CTNND2: variants seen among roughly 807,000 people sequenced by gnomAD.
CTNND2 encodes catenin delta 2.
Under a neutral mutation model 144.4 loss-of-function variants are expected in CTNND2, and 22 were observed. That is an observed-to-expected ratio of 0.15 (90% CI 0.11 to 0.22). CTNND2 has a LOEUF of 0.22. Ranked by LOEUF, CTNND2 falls within the 10% of genes least tolerant of loss-of-function variation. The pLI, the probability that CTNND2 is intolerant of heterozygous loss-of-function variation, is 1.00. For missense variants in CTNND2, 1,353 were observed against 1,618.8 expected, an observed-to-expected ratio of 0.84 and a Z score of 2.82; for synonymous variants, 751 against 695.6, an observed-to-expected ratio of 1.08 and a Z score of -1.25.
intron 2 of CTNND2, among the ~76,000 whole-genome samples, chr5:11,637,572 C>T (rs964021707): frequency 1.3e-5 from 2 of 152,010 alleles, no homozygotes; most frequent in Admixed American, 1.3e-4. Flanking sequence ...CAGAACAATG[C>T]CAGCGAAAAT....
chr5:11,168,688 T>TTCTTCTA (rs1759594460), intron 11 of CTNND2, among the ~76,000 whole-genome samples: 1 of 152,226 alleles, frequency 6.6e-6, no homozygotes, highest in African/African-American at 2.4e-5. Context: ...AGCTGTCATA[T>TTCTTCTA]TCTTCTATGT....
chr5:11,870,039 T>A (rs1483482688), intron 1 of CTNND2, among the ~76,000 whole-genome samples: 4 of 152,128 alleles, frequency 2.6e-5, no homozygotes, highest in Admixed American at 2.6e-4. Context: ...ATAGACTGAT[T>A]TAGAGTGGAA....
At chr5:11,125,507 G>T (rs1293284066) in intron 12 of CTNND2, among the ~76,000 whole-genome samples, 1 of 152,326 alleles carries the variant, frequency 6.6e-6, no homozygotes, top group Admixed American at 6.5e-5. Flanking sequence ...ACATCACAGG[G>T]GATCTGCAGT....
At chr5:11,348,160 A>G (rs574564628) in intron 8 of CTNND2, among the ~76,000 whole-genome samples, 16 of 152,346 alleles carry the variant, frequency 1.1e-4, no homozygotes, top group Admixed American at 9.8e-4. Flanking sequence ...TAAGTCTCAA[A>G]ATAATCAGAT....
At chr5:11,565,245 A>C (rs1332011299) in intron 2 of CTNND2, among the ~76,000 whole-genome samples, 189 bp from the exon 3 acceptor site, 1 of 152,270 alleles carries the variant, frequency 6.6e-6, no homozygotes, top group Non-Finnish European at 1.5e-5. Context: ...ACTTTGAATA[A>C]GTTAATTCAT....
intron 7 of CTNND2, among the ~76,000 whole-genome samples, chr5:11,380,516 C>T (rs1758368539): frequency 6.6e-6 from 1 of 152,112 alleles, no homozygotes; most frequent in African/African-American, 2.4e-5. Flanking sequence ...GGAGCTCCCC[C>T]AAGGCAGAGT....
chr5:11,236,661 C>A, intron 10 of CTNND2, 30 bp downstream of exon 10: 1 of 1,611,154 alleles, frequency 6.2e-7, no homozygotes, highest in East Asian at 2.2e-5. Context: ...AATCTGACAC[C>A]AATCATTTCA....
Position 10,973,305 on chromosome 5 carries a change from T to A in CTNND2, c.*148A>T. On this transcript the variant is annotated 3_prime_UTR_variant, in exon 22 of 22. Transcript: ENST00000304623. The surrounding 1 kb of genome is among the most constrained non-coding windows in gnomAD (Gnocchi z 5.6). ...GATTCATTTAGCTTTCTAAAATAGC[T>A]CTTAATATTTCCTTACTGGTTATCA... The A allele has an allele frequency of 1.2e-6, 1 of 802,222 alleles. No homozygotes were observed. Among genetic ancestry groups the A allele is most frequent in the Non-Finnish European group, 1.8e-6 (1 of 544,514 alleles). 49.7% of individuals were successfully genotyped at this position (802,222 alleles called of 1,614,324 possible). A position where few individuals can be genotyped will look rare whatever the true frequency, so the allele number is the denominator to read the frequency against.
At chr5:11,693,810 A>G (rs1356435393) in intron 2 of CTNND2, among the ~76,000 whole-genome samples, 1 of 152,252 alleles carries the variant, frequency 6.6e-6, no homozygotes, top group Non-Finnish European at 1.5e-5. Flanking sequence ...CAATGATAAC[A>G]CTGAATTAGA....
chr5:10,984,596 C>T lies in CTNND2; in HGVS notation c.3344-2750G>A, dbSNP rs375303815. On this transcript the variant is annotated intron_variant, in intron 20 of 21. Coordinates refer to ENST00000304623, the MANE Select transcript of CTNND2 (RefSeq NM_001332.4). ...AGTTCTTTCCCCTCACTCGTTTAAACGAGACCATAGCTGAGACTGAATTAC... is the reference window on the plus strand; with the variant it reads ...AGTTCTTTCCCCTCACTCGTTTAAATGAGACCATAGCTGAGACTGAATTAC... 3.9e-5 allele frequency among the ~76,000 whole-genome samples: 6 copies of T among 151,958 alleles called. 1 individual carries two copies. The South Asian group carries it at 6.2e-4, about 16-fold the overall frequency.
At chr5:11,286,852 A>T (rs1747810265) in intron 9 of CTNND2, among the ~76,000 whole-genome samples, 1 of 152,168 alleles carries the variant, frequency 6.6e-6, no homozygotes, top group Non-Finnish European at 1.5e-5. Flanking sequence ...ACTCTTCCAC[A>T]TTTGCCCAGG....
intron 14 of CTNND2, among the ~76,000 whole-genome samples, chr5:11,107,620 C>T (rs921050327): frequency 6.6e-6 from 1 of 152,220 alleles, no homozygotes; most frequent in East Asian, 1.9e-4. Flanking sequence ...TTGACACATA[C>T]ACATATACCT....
chr5:11,523,862 G>A (rs1480488379), intron 3 of CTNND2, among the ~76,000 whole-genome samples: 1 of 152,192 alleles, frequency 6.6e-6, no homozygotes, highest in Non-Finnish European at 1.5e-5. Context: ...ATGTTGCTGT[G>A]AAGCGGGTGC....
At chr5:11,364,386 C>A (rs61750674) in intron 8 of CTNND2, among the ~76,000 whole-genome samples, 19 of 152,194 alleles carry the variant, frequency 1.2e-4, no homozygotes, top group African/African-American at 4.6e-4. Context: ...CCTTGGGGTA[C>A]TTAGATTCAT....
intron 2 of CTNND2, among the ~76,000 whole-genome samples, chr5:11,615,307 T>G (rs1408695071): frequency 6.6e-6 from 1 of 152,186 alleles, no homozygotes; most frequent in Non-Finnish European, 1.5e-5. Flanking sequence ...TGGTTATAAC[T>G]TTGAAGGACA....
chr5:11,077,113 G>C (rs1172957346), intron 16 of CTNND2, among the ~76,000 whole-genome samples: 1 of 152,066 alleles, frequency 6.6e-6, no homozygotes, highest in Non-Finnish European at 1.5e-5. Flanking sequence ...GAAATATTCG[G>C]TTCAGTCATT....
At chr5:11,244,477 G>A (rs1742791141) in intron 9 of CTNND2, among the ~76,000 whole-genome samples, 1 of 151,916 alleles carries the variant, frequency 6.6e-6, no homozygotes, top group Non-Finnish European at 1.5e-5. Flanking sequence ...TAGAGACAAG[G>A]TTTTGCCATA....
intron 1 of CTNND2, among the ~76,000 whole-genome samples, chr5:11,805,933 A>G (rs1298503363): frequency 6.6e-6 from 1 of 152,176 alleles, no homozygotes; most frequent in African/African-American, 2.4e-5. Context: ...GTCAACGTCA[A>G]TAATGGTCAG....
intron 1 of CTNND2, among the ~76,000 whole-genome samples, chr5:11,754,053 G>A (rs754738541): frequency 3.3e-4 from 50 of 150,746 alleles, no homozygotes; most frequent in Non-Finnish European, 6.2e-4. Flanking sequence ...TGTGTTTATT[G>A]GGTTCCTCTC....
Sources: allele counts gnomAD v4.1 joint callset (sites outside exome capture counted in the v4.1 genomes callset), GRCh38; gene constraint gnomAD v4.1.1; non-coding constraint Gnocchi (gnomAD v3.1); transcripts MANE v1.5; gene names NCBI Gene and HGNC (gene_info 2026-07-23, HGNC 2026-07-21).